The following C8orf34 variants were observed in gnomAD, a reference collection of about 807,000 sequenced individuals.
C8orf34 encodes the protein uncharacterized protein C8orf34.
A neutral mutation model predicts 68.3 loss-of-function variants in C8orf34; 65 were observed. The ratio of observed to expected loss-of-function variants is 0.95; its 90% CI spans 0.78 to 1.17. The LOEUF (loss-of-function observed/expected upper bound fraction) is 1.17. C8orf34 is among the 50% of genes most tolerant of loss of function. The pLI, the probability that C8orf34 is intolerant of heterozygous loss-of-function variation, is 0.00. For missense variants in C8orf34, 664 were observed against 655.4 expected (o/e 1.01, Z -0.14); for synonymous variants, 244 against 241.2 (o/e 1.01, Z -0.11).
chr8:68,421,155 T>A (rs1809952950), intron 1 of C8orf34, among the ~76,000 whole-genome samples: 1 of 152,178 alleles, frequency 6.6e-6, no homozygotes, highest in South Asian at 2.1e-4. Flanking sequence ...TGTTTCAAGT[T>A]CTGAACAAGA....
At chr8:68,813,804 A>C (rs1196479524) in intron 12 of C8orf34, among the ~76,000 whole-genome samples, 1 of 152,068 alleles carries the variant, frequency 6.6e-6, no homozygotes, top group South Asian at 2.1e-4. Flanking sequence ...CATCGGGCTC[A>C]CTGTTTTCCT....
rs1249281048 is a variant in C8orf34, at chr8:68,462,743, C to T, written c.608-5949C>T. 5.3e-5 allele frequency among the ~76,000 whole-genome samples: 8 copies of T among 151,924 alleles called. No individual in the cohort carries two copies. The South Asian group carries it at 6.3e-4, about 12-fold the overall frequency. ...AAATAAAGCTGTTCTTTGAAACCAA[C>T]AAGAACAAAGACACAACATACCAGA... is the stretch of plus-strand genomic sequence containing the variant. On this transcript the variant is annotated intron_variant, in intron 3 of 13. Coordinates refer to ENST00000518698, the MANE Select transcript of C8orf34 (RefSeq NM_052958.4).
intron 1 of C8orf34, among the ~76,000 whole-genome samples, chr8:68,354,451 C>G (rs1222011738): frequency 6.6e-6 from 1 of 152,100 alleles, no homozygotes; most frequent in Non-Finnish European, 1.5e-5. Context: ...AAGCAATTCT[C>G]TTGCCTCAGC....
intron 8 of C8orf34, 29 bp downstream of exon 8, chr8:68,640,540 T>C (rs1818975968): frequency 1.9e-6 from 3 of 1,583,218 alleles, no homozygotes; most frequent in African/African-American, 1.4e-5. Flanking sequence ...ATAGTATATA[T>C]AAACATGATC....
chr8:68,650,202 C>A (rs1162705248), intron 8 of C8orf34, among the ~76,000 whole-genome samples: 1 of 151,792 alleles, frequency 6.6e-6, no homozygotes, highest in African/African-American at 2.4e-5. Flanking sequence ...AGGTGATACC[C>A]GAGGTTCGTT....
intron 6 of C8orf34, among the ~76,000 whole-genome samples, chr8:68,531,068 T>G (rs1211021092): frequency 6.6e-6 from 1 of 152,128 alleles, no homozygotes; most frequent in Non-Finnish European, 1.5e-5. Flanking sequence ...TCATATTCTA[T>G]TTTTTGCTGA....
chr8:68,502,539 GC>G (rs1813824814), intron 5 of C8orf34, among the ~76,000 whole-genome samples: 1 of 152,080 alleles, frequency 6.6e-6, no homozygotes, highest in African/African-American at 2.4e-5. Flanking sequence ...CATAAAAAAA[GC>G]CATCGTTAGT....
intron 1 of C8orf34, among the ~76,000 whole-genome samples, chr8:68,392,409 A>G (rs1808514501): frequency 6.6e-6 from 1 of 151,882 alleles, no homozygotes; most frequent in African/African-American, 2.4e-5. Flanking sequence ...TGTCCTATTT[A>G]TTTTATAATT....
intron 7 of C8orf34, chr8:68,625,567 G>A (rs1411124685): frequency 4.3e-6 from 3 of 698,850 alleles, no homozygotes; most frequent in African/African-American, 1.7e-5. Flanking sequence ...TTCCAAGAAA[G>A]CAACACAGAA....
intron 1 of C8orf34, among the ~76,000 whole-genome samples, chr8:68,340,032 T>C (rs1410994920): frequency 6.6e-6 from 1 of 152,100 alleles, no homozygotes; most frequent in African/African-American, 2.4e-5. Context: ...GAATAGCTGC[T>C]CAATATCATT....
intron 7 of C8orf34, 69 bp downstream of exon 7, chr8:68,533,218 GA>G: frequency 6.6e-7 from 1 of 1,503,792 alleles, no homozygotes; most frequent in South Asian, 1.4e-5. Flanking sequence ...TGGTGATTAA[GA>G]GATTTTAAAA....
At chr8:68,596,720 T>G (rs1817556539) in intron 7 of C8orf34, among the ~76,000 whole-genome samples, 1 of 152,120 alleles carries the variant, frequency 6.6e-6, no homozygotes, top group Non-Finnish European at 1.5e-5. Flanking sequence ...GGGCTGGAAG[T>G]AAACCTGCAC....
intron 1 of C8orf34, among the ~76,000 whole-genome samples, chr8:68,353,326 C>T (rs547955547): frequency 2.6e-5 from 4 of 151,900 alleles, no homozygotes; most frequent in Non-Finnish European, 5.9e-5. Flanking sequence ...AATGGATGAG[C>T]ACTATAATAC....
At chr8:68,345,408 T>C (rs1806238527) in intron 1 of C8orf34, among the ~76,000 whole-genome samples, 1 of 151,942 alleles carries the variant, frequency 6.6e-6, no homozygotes, top group African/African-American at 2.4e-5. Flanking sequence ...CTTTGAAATA[T>C]GTATAGAAAA....
intron 1 of C8orf34, among the ~76,000 whole-genome samples, chr8:68,403,003 G>A (rs1297447712): frequency 6.6e-6 from 1 of 152,166 alleles, no homozygotes; most frequent in African/African-American, 2.4e-5. Flanking sequence ...AGCAGGCAGG[G>A]AAACTCCTTG....
chr8:68,703,584 C>CAT (rs1467234962), intron 8 of C8orf34, among the ~76,000 whole-genome samples: 1 of 152,078 alleles, frequency 6.6e-6, no homozygotes, highest in African/African-American at 2.4e-5. Flanking sequence ...TCATTCAATA[C>CAT]ATATATATGT....
intron 8 of C8orf34, among the ~76,000 whole-genome samples, chr8:68,679,798 T>C (rs904237072): frequency 6.6e-5 from 10 of 152,198 alleles, no homozygotes; most frequent in Non-Finnish European, 1.3e-4. Context: ...GAACTCGTTT[T>C]CAACAAAGGT....
chr8:68,402,980 G>A (rs1809023661), intron 1 of C8orf34, among the ~76,000 whole-genome samples: 1 of 152,160 alleles, frequency 6.6e-6, no homozygotes, highest in African/African-American at 2.4e-5. Context: ...CCCCTCCCCA[G>A]TCACTGGGAA....
chr8:68,444,596 C>G (rs918098975), intron 2 of C8orf34, among the ~76,000 whole-genome samples: 1 of 152,004 alleles, frequency 6.6e-6, no homozygotes, highest in Non-Finnish European at 1.5e-5. Context: ...TAGCTTGGAA[C>G]TATTTGGATT....
Sources: gnomAD v4.1 joint callset for allele counts (sites outside exome capture counted in the v4.1 genomes callset) on GRCh38, gnomAD v4.1.1 for gene constraint, MANE v1.5 for transcripts, NCBI Gene and HGNC (gene_info 2026-07-23, HGNC 2026-07-21) for gene names.